The following SLC12A2 variants were observed in gnomAD, a reference collection of about 807,000 sequenced individuals.
SLC12A2 encodes solute carrier family 12 member 2.
In SLC12A2, 67 loss-of-function variants were observed where a neutral mutation model predicts 136.3. That is an observed-to-expected ratio of 0.49 (90% CI 0.40 to 0.60). The LOEUF is 0.60. SLC12A2 is among the 20% of genes least tolerant of loss of function. SLC12A2 has a pLI of 0.00. For synonymous variants in SLC12A2, 619 were observed against 562.9 expected (o/e 1.10, Z -1.41); for missense variants, 1,322 against 1,534.7 (o/e 0.86, Z 2.32).
intron 19 of SLC12A2, among the ~76,000 whole-genome samples, chr5:128,172,961 A>T (rs1038834783): frequency 2.2e-5 from 3 of 137,338 alleles, no homozygotes; most frequent in Admixed American, 7.0e-5. Flanking sequence ...ATACAAAAAA[A>T]ACAAAAAACA....
chr5:128,088,719 T>C (rs1760196600), intron 1 of SLC12A2, among the ~76,000 whole-genome samples: 2 of 152,210 alleles, frequency 1.3e-5, no homozygotes, highest in Admixed American at 6.5e-5. Context: ...GGTTTCTATA[T>C]GATTCCTGTA....
Position 128,184,256 on chromosome 5 carries a change from G to A in SLC12A2, c.3300-110G>A, listed in dbSNP as rs1026111499. On this transcript the variant is annotated intron_variant, in intron 24 of 26. Coordinates refer to ENST00000262461, the MANE Select transcript of SLC12A2 (RefSeq NM_001046.3). ...TTATGGTTGGGGTATGGAGAGGAGC[G>A]TAATAAATGAGAGGCACTAACTTTG... 1.2e-4 allele frequency: 82 copies of A among 666,126 alleles called. 1 individual carries two copies. In the East Asian group the frequency reaches 1.5e-3, roughly 12 times the overall value. 41.3% of individuals were successfully genotyped at this position (666,126 alleles called of 1,614,324 possible).
chr5:128,121,869 G>A (rs999242888), intron 4 of SLC12A2, among the ~76,000 whole-genome samples: 1 of 152,108 alleles, frequency 6.6e-6, no homozygotes, highest in Non-Finnish European at 1.5e-5. Context: ...GAGTTTCCAC[G>A]GATCTGTACA....
At position 128,084,598 on chromosome 5, in the gene SLC12A2, A is replaced by G. The variant is rs371530491; in HGVS notation, c.644A>G (p.His215Arg). The G allele has an allele frequency of 6.2e-7, 1 of 1,613,528 alleles. No homozygotes were observed. The highest frequency in any genetic ancestry group is 8.5e-7 in the Non-Finnish European group (1 of 1,179,994). The change falls in exon 1 of 27, where the codon CAC (histidine) becomes CGC (arginine). Residue 215 changes from histidine to arginine, a missense_variant. His to Arg is a conservative substitution (Grantham distance 29, BLOSUM62 0). This residue lies in a region of SLC12A2 where 32 missense variants were observed against 63.6 expected (regional missense o/e 0.50). Coordinates refer to ENST00000262461, the MANE Select transcript of SLC12A2 (RefSeq NM_001046.3). The surrounding 1 kb of genome is among the most constrained non-coding windows in gnomAD (Gnocchi z 5.6). ...ACCTACTACCTGCGCACCTTCGGCC[A>G]CAACACCATGGACGCTGTGCCCAGG... ...TNTYYLRTFGHNTMDAVPRID... is the reference protein window; with the variant it reads ...TNTYYLRTFGRNTMDAVPRID...
rs1763902340 is a variant in SLC12A2, at chr5:128,187,360, T to C, written c.*729T>C. The C allele has an allele frequency of 6.6e-6, 1 of 152,106 alleles. No homozygotes were observed. 9.4% of individuals were successfully genotyped at this position (152,106 alleles called of 1,614,324 possible). A position where few individuals can be genotyped will look rare whatever the true frequency, so the allele number is the denominator to read the frequency against. On this transcript the variant is annotated 3_prime_UTR_variant, in exon 27 of 27. Transcript: ENST00000262461. Reference sequence around the variant, plus strand: ...TTATTTATTGAAACCTTAGGGAAGATTGAAGATTCATCCCATACTTCTATA... The same window carrying C: ...TTATTTATTGAAACCTTAGGGAAGACTGAAGATTCATCCCATACTTCTATA...
intron 4 of SLC12A2, among the ~76,000 whole-genome samples, chr5:128,119,795 C>T (rs185338126): frequency 1.3e-4 from 20 of 152,206 alleles, no homozygotes; most frequent in South Asian, 4.2e-4. Context: ...GACATAGGCA[C>T]GGGCAAGGAC....
At chr5:128,151,118 A>G in intron 13 of SLC12A2, 123 bp from the exon 14 acceptor site, 1 of 760,382 alleles carries the variant, frequency 1.3e-6, no homozygotes, top group South Asian at 2.1e-5. Context: ...TTAGACTTAT[A>G]CTTAATGCTT....
At position 128,093,111 on chromosome 5, in the gene SLC12A2, T is replaced by C. The variant is rs142473699; in HGVS notation, c.756+8401T>C. 5.0e-3 allele frequency among the ~76,000 whole-genome samples: 754 copies of C among 152,292 alleles called. 6 individuals are homozygous for C. The highest frequency in any genetic ancestry group is 7.5e-3 in the Non-Finnish European group (507 of 68,006). ...AAGTCACAAGTGATCTCCATTCTTA[T>C]CACAAATTTCAGGAAGTTTTTGTTT... On this transcript the variant is annotated intron_variant, in intron 1 of 26. Coordinates refer to ENST00000262461, the MANE Select transcript of SLC12A2 (RefSeq NM_001046.3).
chr5:128,181,659 A>G (rs1365636293), intron 23 of SLC12A2, among the ~76,000 whole-genome samples: 1 of 152,162 alleles, frequency 6.6e-6, no homozygotes, highest in African/African-American at 2.4e-5. Context: ...CTTCTCTGCT[A>G]CCTGCCATAG....
At chr5:128,148,616 A>G in intron 11 of SLC12A2, 138 bp from the exon 12 acceptor site, 1 of 567,932 alleles carries the variant, frequency 1.8e-6, no homozygotes, top group Non-Finnish European at 2.9e-6. Flanking sequence ...TTGTAGGTGA[A>G]GCAGTATCTG....
chr5:128,123,838 T>A (rs986220856), intron 4 of SLC12A2, among the ~76,000 whole-genome samples: 12 of 152,228 alleles, frequency 7.9e-5, no homozygotes, highest in African/African-American at 2.7e-4. Flanking sequence ...GCTTTTGGAA[T>A]GGTATCTAAG....
intron 10 of SLC12A2, among the ~76,000 whole-genome samples, chr5:128,143,661 A>G (rs1164216668): frequency 6.6e-6 from 1 of 152,068 alleles, no homozygotes; most frequent in African/African-American, 2.4e-5. Flanking sequence ...AAGAACACAA[A>G]GGTGTAGATT....
chr5:128,135,822 A>T lies in SLC12A2; in HGVS notation c.1408+14A>T. The stretch of plus-strand genomic sequence containing the variant: ...TTGGTTATAAATGTAAGTAAAAAAG[A>T]TTCAATATTTTTTAAGGGTACCTAT... On this transcript the variant is annotated intron_variant, in intron 7 of 26. Transcript: ENST00000262461. The T allele has an allele frequency of 2.8e-6, 4 of 1,414,986 alleles. No individual in the cohort carries two copies. Among genetic ancestry groups the T allele is most frequent in the Non-Finnish European group, 4.0e-6 (4 of 1,004,836 alleles). The allele number at this position is 1,414,986 out of a possible 1,614,324, so 87.7% of individuals were successfully genotyped here. A position where few individuals can be genotyped will look rare whatever the true frequency, so the allele number is the denominator to read the frequency against.
intron 8 of SLC12A2, 27 bp from the exon 9 acceptor site, chr5:128,138,797 A>G (rs1561681717): frequency 1.9e-6 from 3 of 1,604,068 alleles, no homozygotes; most frequent in Non-Finnish European, 2.6e-6. Flanking sequence ...TTACAGATAG[A>G]CTTTAAAAAA....
chr5:128,109,402 C>T, intron 1 of SLC12A2: 1 of 331,428 alleles, frequency 3.0e-6, no homozygotes, highest in East Asian at 7.4e-5. Flanking sequence ...GGCCGGTGTG[C>T]CCCTGCCGAA....
At chr5:128,153,371 A>G (rs1186367786) in intron 15 of SLC12A2, among the ~76,000 whole-genome samples, 2 of 152,190 alleles carry the variant, frequency 1.3e-5, no homozygotes, top group Admixed American at 1.3e-4. Context: ...CCTGGCCAAC[A>G]TGGTGAAACC....
At chr5:128,133,313 C>T (rs1006134430) in intron 5 of SLC12A2, among the ~76,000 whole-genome samples, 6 of 151,948 alleles carry the variant, frequency 3.9e-5, no homozygotes, top group African/African-American at 1.4e-4. Flanking sequence ...ACAAAAGCAT[C>T]TTTGGATCTT....
chr5:128,148,002 A>C (rs748083929), intron 11 of SLC12A2, among the ~76,000 whole-genome samples: 2 of 151,646 alleles, frequency 1.3e-5, no homozygotes, highest in South Asian at 4.1e-4. Context: ...CATTTTTAGC[A>C]TACATTTTCA....
At position 128,171,277 on chromosome 5, in the gene SLC12A2, G is replaced by A. The variant is rs78834303; in HGVS notation, c.2724-390G>A. 5.8e-3 allele frequency among the ~76,000 whole-genome samples: 886 copies of A among 152,120 alleles called. 3 individuals carry two copies. The highest frequency in any genetic ancestry group is 0.024 in the Middle Eastern group (7 of 294). ...CTGCTATCATTCGCAGTAGCATCAA[G>A]GTTTTTGTGTGTGTGTCTTCATGTA... On this transcript the variant is annotated intron_variant, in intron 18 of 26. Transcript: ENST00000262461.
Sources: gnomAD v4.1 joint callset for allele counts (sites outside exome capture counted in the v4.1 genomes callset) on GRCh38, gnomAD v4.1.1 for gene constraint, gnomAD v4.1.1 regional missense constraint, Gnocchi (gnomAD v3.1) non-coding constraint, MANE v1.5 for transcripts, NCBI Gene and HGNC (gene_info 2026-07-23, HGNC 2026-07-21) for gene names.